Variants in SMYD1 observed in about 807,000 individuals in gnomAD.
The protein encoded by SMYD1 is histone-lysine N-methyltransferase SMYD1.
A neutral mutation model predicts 54.0 loss-of-function variants in SMYD1; 49 were observed. That is an observed-to-expected ratio of 0.91 (90% CI 0.72 to 1.15). The LOEUF is 1.15. Ranked by LOEUF, SMYD1 falls within the 50% of genes most tolerant of loss-of-function variation. The pLI is 0.00. For missense variants in SMYD1, 653 were observed against 639.6 expected (o/e 1.02, Z -0.23); for synonymous variants, 269 against 234.2 (o/e 1.15, Z -1.36).
At chr2:88,076,519 C>G (rs4972172) in intron 1 of SMYD1, among the ~76,000 whole-genome samples, 121,469 of 152,164 alleles carry the variant, frequency 0.8, 48,820 homozygotes, top group East Asian at 1. Context: ...CACCGCGCCC[C>G]GCCTTCCTTT....
At chr2:88,088,502 A>G (rs1674390799) in intron 3 of SMYD1, among the ~76,000 whole-genome samples, 1 of 151,648 alleles carries the variant, frequency 6.6e-6, no homozygotes, top group South Asian at 2.1e-4. Context: ...TGAAGTGAAG[A>G]CCCCTCATCC....
chr2:88,096,307 T>C (rs1342260535), intron 5 of SMYD1, among the ~76,000 whole-genome samples: 1 of 152,224 alleles, frequency 6.6e-6, no homozygotes, highest in Non-Finnish European at 1.5e-5. Context: ...GCATGGACGT[T>C]CTGTCTGGTT....
Position 88,087,868 on chromosome 2 carries a change from G to C in SMYD1, c.321G>C (p.Ala107=). The C allele has an allele frequency of 6.3e-7, 1 of 1,578,852 alleles. No individual in the cohort carries two copies. The highest frequency in any genetic ancestry group is 8.6e-7 in the Non-Finnish European group (1 of 1,161,680). ...GKVPNENIRL[A]ARIMWRVERE... ...GACGCTGCCCTTCCCACAGGCTGGC[G>C]GCGCGCATCATGTGGCGGGTGGAGA... Residue 107 remains alanine (A), a synonymous_variant, in exon 3 of 10, where the codon GCG becomes GCC. Transcript: ENST00000419482.
intron 7 of SMYD1, among the ~76,000 whole-genome samples, chr2:88,106,032 TTG>T (rs759406354): frequency 6.6e-6 from 1 of 151,658 alleles, no homozygotes; most frequent in Non-Finnish European, 1.5e-5. Flanking sequence ...ATGTGTGTGT[TTG>T]TGTGTGTGTG....
chr2:88,078,983 G>C (rs1410862828), intron 1 of SMYD1, among the ~76,000 whole-genome samples: 1 of 152,258 alleles, frequency 6.6e-6, no homozygotes, highest in Non-Finnish European at 1.5e-5. Context: ...ACAGATCTGT[G>C]ATCCTGGAGG....
At position 88,072,257 on chromosome 2, in the gene SMYD1, T is replaced by A. The variant is rs1208464385; in HGVS notation, c.137+4256T>A. Among the ~76,000 whole-genome samples the A allele has an allele frequency of 2.0e-5, 3 of 152,092 alleles. No individual in the cohort carries two copies. In the East Asian group the frequency reaches 5.8e-4, roughly 29 times the overall value. On this transcript the variant is annotated intron_variant, in intron 1 of 9. Coordinates refer to ENST00000419482, the MANE Select transcript of SMYD1 (RefSeq NM_198274.4). ...CCTCTGCCACCTGGGCTCAAGTGAT[T>A]CTCCTGCCTCAGCCTCCCGAGTAGC... is the stretch of plus-strand genomic sequence containing the variant.
intron 8 of SMYD1, among the ~76,000 whole-genome samples, 163 bp from the exon 9 acceptor site, chr2:88,108,208 A>G (rs2104017719): frequency 6.6e-6 from 1 of 152,292 alleles, no homozygotes; most frequent in Non-Finnish European, 1.5e-5. Context: ...AACTTGTTCC[A>G]TATCTCTGTG....
chr2:88,078,897 C>T (rs745477521), intron 1 of SMYD1, among the ~76,000 whole-genome samples: 1 of 152,246 alleles, frequency 6.6e-6, no homozygotes, highest in Non-Finnish European at 1.5e-5. Flanking sequence ...AGAACGATAA[C>T]TTAATGCTTC....
intron 1 of SMYD1, among the ~76,000 whole-genome samples, chr2:88,075,046 C>T (rs574552569): frequency 3.9e-5 from 6 of 152,254 alleles, no homozygotes; most frequent in Non-Finnish European, 7.3e-5. Flanking sequence ...TAGAGAAATT[C>T]CGGAACAATT....
At chr2:88,085,025 C>G (rs1674290558) in intron 2 of SMYD1, among the ~76,000 whole-genome samples, 1 of 152,152 alleles carries the variant, frequency 6.6e-6, no homozygotes, top group Admixed American at 6.5e-5. Context: ...GCTGGGATTA[C>G]AACTGTGAGC....
At chr2:88,080,270 G>C (rs1289762652) in intron 1 of SMYD1, among the ~76,000 whole-genome samples, 1 of 152,160 alleles carries the variant, frequency 6.6e-6, no homozygotes, top group Non-Finnish European at 1.5e-5. Flanking sequence ...GATTACCTAG[G>C]TGATCACCTG....
Position 88,106,439 on chromosome 2 carries a change from G to C in SMYD1, c.1096G>C (p.Ala366Pro), listed in dbSNP as rs746554731. 8.1e-6 allele frequency: 13 copies of C among 1,614,150 alleles called. No individual in the cohort carries two copies. The South Asian group carries it at 1.3e-4, about 16-fold the overall frequency. Residue 366 changes from alanine (A) to proline (P), a missense_variant, in exon 8 of 10, where the codon GCC becomes CCC. By Grantham distance (27) the Ala-to-Pro change is conservative (BLOSUM62 -1). Coordinates refer to ENST00000419482, the MANE Select transcript of SMYD1 (RefSeq NM_198274.4). The part of the protein sequence containing the change: ...IVSEVLSYLQ[A>P]FEEASFYARR... ...TTCGGAGGTCCTTTCCTACCTCCAG[G>C]CCTTTGAGGAGGCCTCGTTCTATGC...
At chr2:88,095,949 C>G (rs1402827074) in intron 5 of SMYD1, among the ~76,000 whole-genome samples, 1 of 152,238 alleles carries the variant, frequency 6.6e-6, no homozygotes, top group Non-Finnish European at 1.5e-5. Context: ...CCCTTGCTAA[C>G]TACCTTCAAC....
At chr2:88,105,288 G>A (rs1674834517) in intron 7 of SMYD1, among the ~76,000 whole-genome samples, 2 of 151,908 alleles carry the variant, frequency 1.3e-5, no homozygotes, top group South Asian at 4.2e-4. Context: ...TTCTCATCTC[G>A]TAAAATGGGA....
At chr2:88,105,660 G>T (rs186234802) in intron 7 of SMYD1, among the ~76,000 whole-genome samples, 1 of 152,094 alleles carries the variant, frequency 6.6e-6, no homozygotes, top group Non-Finnish European at 1.5e-5. Flanking sequence ...TTTTGGCCAG[G>T]TATGGTGGGG....
At chr2:88,108,040 T>A (rs1475975049) in intron 8 of SMYD1, among the ~76,000 whole-genome samples, 2 of 152,252 alleles carry the variant, frequency 1.3e-5, no homozygotes, top group African/African-American at 4.8e-5. Flanking sequence ...TCGCTGACGC[T>A]GGGAGCTGTA....
chr2:88,094,912 T>G (rs1424410984), intron 5 of SMYD1, among the ~76,000 whole-genome samples: 1 of 152,164 alleles, frequency 6.6e-6, no homozygotes, highest in Non-Finnish European at 1.5e-5. Context: ...ACAGAATTAT[T>G]AAGGACATTA....
At chr2:88,107,911 C>G (rs1016477094) in intron 8 of SMYD1, among the ~76,000 whole-genome samples, 1 of 152,210 alleles carries the variant, frequency 6.6e-6, no homozygotes. Context: ...CATGCCTTGC[C>G]CTGCTTCGGC....
chr2:88,084,236 T>G (rs192825609), intron 1 of SMYD1, 80 bp from the exon 2 acceptor site: 2 of 1,258,062 alleles, frequency 1.6e-6, no homozygotes, highest in African/African-American at 2.9e-5. Flanking sequence ...GAACCAGTAC[T>G]GGAACACAGG....
Sources: gnomAD v4.1 joint callset for allele counts (sites outside exome capture counted in the v4.1 genomes callset) on GRCh38, gnomAD v4.1.1 for gene constraint, MANE v1.5 for transcripts, NCBI Gene and HGNC (gene_info 2026-07-23, HGNC 2026-07-21) for gene names.